Variants in RGL3 observed in about 807,000 individuals in gnomAD.
RGL3 encodes ral guanine nucleotide dissociation stimulator like 3.
RGL3 carries 85 observed loss-of-function variants against 90.6 expected under a neutral mutation model. The ratio of observed to expected loss-of-function variants is 0.94; its 90% CI spans 0.79 to 1.12. The LOEUF is 1.12. RGL3 is among the 50% of genes most tolerant of loss of function. The pLI is 0.00. For synonymous variants in RGL3, 408 were observed against 385.5 expected, an observed-to-expected ratio of 1.06 and a Z score of -0.68; for missense variants, 1,034 against 939.2, an observed-to-expected ratio of 1.10 and a Z score of -1.32.
At chr19:11,409,276 C>CG (rs1968834589) in intron 5 of RGL3, among the ~76,000 whole-genome samples, 1 of 151,964 alleles carries the variant, frequency 6.6e-6, no homozygotes, top group Non-Finnish European at 1.5e-5. Context: ...GTCAGGAGAT[C>CG]GAGACCATCC....
intron 7 of RGL3, 52 bp downstream of exon 7, chr19:11,406,367 C>A: frequency 6.7e-7 from 1 of 1,486,942 alleles, no homozygotes; most frequent in Non-Finnish European, 9.0e-7. Flanking sequence ...CTCATTTTTT[C>A]CCCTTGCCCC....
At position 11,413,904 on chromosome 19, in the gene RGL3, C is replaced by T. The variant is rs1472344106; in HGVS notation, c.637+2033G>A. Among the ~76,000 whole-genome samples, 28 of 148,082 alleles carry T rather than the reference C, an allele frequency of 1.9e-4. 1 individual carries two copies. The highest frequency in any genetic ancestry group is 1.3e-4 in the Non-Finnish European group (9 of 67,064). On this transcript the variant is annotated intron_variant, in intron 5 of 18. Transcript: ENST00000380456. ...GACTACAGGCGCTCGCCACCACGCC[C>T]GGCTAATATTTTTTTGTATTTTTAG...
chr19:11,416,114 C>A lies in RGL3; in HGVS notation c.460G>T (p.Asp154Tyr). The A allele has an allele frequency of 1.3e-6, 2 of 1,595,004 alleles. No individual in the cohort carries two copies. Among genetic ancestry groups the A allele is most frequent in the Non-Finnish European group, 1.7e-6 (2 of 1,171,542 alleles). ...VVSVLGSWLQ[D>Y]HPQDFRDHPA... ...TGGTCTCGGAAATCCTGAGGGTGGT[C>A]CTGCAGCCAGGAGCCCAGCACTGAC... Residue 154 changes from aspartate to tyrosine, a missense_variant, in exon 5 of 19, where the codon GAC becomes TAC. By Grantham distance (160) the Asp-to-Tyr change is radical. Coordinates refer to ENST00000380456, the MANE Select transcript of RGL3 (RefSeq NM_001035223.4).
intron 18 of RGL3, among the ~76,000 whole-genome samples, chr19:11,395,753 G>C (rs1968553372): frequency 6.6e-6 from 1 of 150,994 alleles, no homozygotes. Flanking sequence ...TCAGCCTCCT[G>C]AGTAGCTGGG....
At chr19:11,413,279 T>C (rs1968903034) in intron 5 of RGL3, among the ~76,000 whole-genome samples, 1 of 149,206 alleles carries the variant, frequency 6.7e-6, no homozygotes, top group East Asian at 2.0e-4. Flanking sequence ...CTCACGCCTG[T>C]AATCCCAGCA....
intron 5 of RGL3, among the ~76,000 whole-genome samples, chr19:11,414,448 T>TATATATATATCTTCATATATATAC (rs1968945239): frequency 1.4e-5 from 1 of 73,170 alleles, no homozygotes; most frequent in African/African-American, 8.6e-5. Context: ...TATATATACA[T>TATATATATATCTTCATATATATAC]ATATATATAT....
At chr19:11,400,326 T>G (rs1599431156) in intron 13 of RGL3, 29 bp from the exon 14 acceptor site, 3 of 1,524,972 alleles carry the variant, frequency 2.0e-6, no homozygotes, top group East Asian at 2.4e-5. Context: ...GATGAGGTGG[T>G]GGGGGCAGGA....
At chr19:11,396,231 G>A (rs1471943333) in intron 18 of RGL3, among the ~76,000 whole-genome samples, 11 of 128,720 alleles carry the variant, frequency 8.5e-5, no homozygotes, top group Middle Eastern at 4.8e-3. Flanking sequence ...GCAGTGGTGC[G>A]ATCTCGGCTC....
At chr19:11,418,892 C>G in intron 1 of RGL3, 108 bp from the exon 2 acceptor site, 1 of 877,654 alleles carries the variant, frequency 1.1e-6, no homozygotes, top group South Asian at 1.8e-5. Context: ...TCCCCACGCC[C>G]CTTCCCGGCC....
At position 11,399,881 on chromosome 19, in the gene RGL3, G is replaced by A; in HGVS notation, c.1720C>T (p.Pro574Ser). Residue 574 changes from proline to serine, a missense_variant, in exon 16 of 19, where the codon CCA becomes TCA. Physicochemically the swap from Pro to Ser is moderately conservative, Grantham distance 74. Coordinates refer to ENST00000380456, the MANE Select transcript of RGL3 (RefSeq NM_001035223.4). The part of the protein sequence containing the change: ...DAPAGSPPAS[P>S]GPQGPSTKLP... ...TTGGTGCTGGGGCCCTGGGGCCCTG[G>A]AGAGGCCGGGGGACTGCCAGCAGGA... 1 of 1,510,004 alleles carries A rather than the reference G, an allele frequency of 6.6e-7. No individual in the cohort carries two copies. Among genetic ancestry groups the A allele is most frequent in the East Asian group, 2.4e-5 (1 of 42,024 alleles). 93.5% of individuals were successfully genotyped at this position (1,510,004 alleles called of 1,614,324 possible). A position where few individuals can be genotyped will look rare whatever the true frequency, so the allele number is the denominator to read the frequency against.
chr19:11,397,077 G>A (rs366336), intron 18 of RGL3, among the ~76,000 whole-genome samples, 167 bp downstream of exon 18: 33,939 of 151,894 alleles, frequency 0.22, 7,185 homozygotes, highest in African/African-American at 0.56. Flanking sequence ...TGGGTTACAG[G>A]TATTTTATGT....
At chr19:11,403,620 A>G (rs1293869321) in intron 9 of RGL3, among the ~76,000 whole-genome samples, 2 of 148,220 alleles carry the variant, frequency 1.3e-5, no homozygotes, top group East Asian at 2.0e-4. Context: ...AGCTTGGGCA[A>G]CAAGACCAAA....
In RGL3 at chr19:11,402,676, C is replaced by T. The variant is rs1442581068; in HGVS notation, c.1216G>A (p.Asp406Asn). The T allele has an allele frequency of 5.0e-6, 8 of 1,613,794 alleles. No homozygotes were observed. The highest frequency in any genetic ancestry group is 1.7e-5 in the Admixed American group (1 of 59,924). Reference protein sequence around the residue: ...EEATEGSQEEDNTPGSLPSKP... With the variant: ...EEATEGSQEENNTPGSLPSKP... ...GAGGGCAGGCTGCCTGGGGTGTTGT[C>T]CTCTTCTTGGGATCCCTCAGTGGCC... The change falls in exon 10 of 19, where the codon GAC becomes AAC. Residue 406 changes from aspartate (D) to asparagine (N), a missense_variant. Transcript: ENST00000380456.
At chr19:11,408,535 G>A (rs1454238428) in intron 5 of RGL3, among the ~76,000 whole-genome samples, 4 of 149,782 alleles carry the variant, frequency 2.7e-5, no homozygotes, top group Admixed American at 1.3e-4. Context: ...GCAGTGAGCC[G>A]ACATCGTGTC....
Position 11,418,717 on chromosome 19 carries a change from T to C in RGL3, c.101A>G (p.Gln34Arg). The change falls in exon 2 of 19, where the codon CAG becomes CGG. Residue 34 changes from glutamine to arginine, a missense_variant. Gln to Arg is a conservative substitution (Grantham distance 43, BLOSUM62 1). Coordinates refer to ENST00000380456, the MANE Select transcript of RGL3 (RefSeq NM_001035223.4). ...GAVYSVSLRR[Q>R]RSQRRSPAEG... ...CGCCGGGCTCCTGCGCTGACTGCGC[T>C]GCCGCCGCAGGGAGACACTGTACAC... is the stretch of plus-strand genomic sequence containing the variant. 6.3e-7 allele frequency: 1 copy of C among 1,575,212 alleles called. No homozygotes were observed. The highest frequency in any genetic ancestry group is 8.6e-7 in the Non-Finnish European group (1 of 1,165,620).
Position 11,406,746 on chromosome 19 carries a change from G to A in RGL3, c.756C>T (p.Ala252=), listed in dbSNP as rs1343354273. The change falls in exon 6 of 19, where the codon GCC becomes GCT. Residue 252 remains alanine, a synonymous_variant. Coordinates refer to ENST00000380456, the MANE Select transcript of RGL3 (RefSeq NM_001035223.4). ...CCAAGTCTATGAGGGTCAGCTGCTC[G>A]GCCACCTCGTCCACGCTGAAGTCCA... ...QLLDFSVDEV[A]EQLTLIDLEL... is the part of the protein sequence containing the mutation. 3 of 1,613,990 alleles carry A rather than the reference G, an allele frequency of 1.9e-6. No individual in the cohort carries two copies. Among genetic ancestry groups the A allele is most frequent in the South Asian group, 1.1e-5 (1 of 91,070 alleles).
At position 11,397,331 on chromosome 19, in the gene RGL3, C is replaced by G. The variant is rs760059667; in HGVS notation, c.1927G>C (p.Val643Leu). The change falls in exon 18 of 19, where the codon GTG becomes CTG. Residue 643 changes from valine to leucine, a missense_variant. Coordinates refer to ENST00000380456, the MANE Select transcript of RGL3 (RefSeq NM_001035223.4). ...TGCTTCTGCAAGGCTCGCCGGACCA[C>G]GCTGGGGGCTTTGTCCTGACTGGTC... ...LLTSQDKAPS[V>L]VRRALQKHNV... 3.7e-6 allele frequency: 6 copies of G among 1,608,226 alleles called. No homozygotes were observed. Among genetic ancestry groups the G allele is most frequent in the Non-Finnish European group, 5.1e-6 (6 of 1,177,124 alleles).
intron 7 of RGL3, 59 bp downstream of exon 7, chr19:11,406,360 A>AT (rs1968777984): frequency 2.0e-6 from 3 of 1,476,904 alleles, no homozygotes; most frequent in East Asian, 2.5e-5. Context: ...CGGAGCCCTC[A>AT]TTTTTTCCCC....
In RGL3 at chr19:11,416,984, C is replaced by G. The variant is rs1969013082; in HGVS notation, c.223G>C (p.Glu75Gln). The change falls in exon 3 of 19, where the codon GAG becomes CAG. Residue 75 changes from glutamate (E) to glutamine (Q), a missense_variant. By Grantham distance (29) the Glu-to-Gln change is conservative (BLOSUM62 2). Transcript: ENST00000380456. ...KVRVLRAARLERLVGELVFGD... is the reference protein window; with the variant it reads ...KVRVLRAARLQRLVGELVFGD... ...AACACCAACTCTCCCACCAGCCGCT[C>G]CAGGCGCGCTGCCCTCAGCACCCTC... 6.2e-7 allele frequency: 1 copy of G among 1,613,996 alleles called. No individual in the cohort carries two copies. The highest frequency in any genetic ancestry group is 1.3e-5 in the African/African-American group (1 of 75,004).
Sources: gnomAD v4.1 joint callset for allele counts (sites outside exome capture counted in the v4.1 genomes callset) on GRCh38, gnomAD v4.1.1 for gene constraint, MANE v1.5 for transcripts, NCBI Gene and HGNC (gene_info 2026-07-23, HGNC 2026-07-21) for gene names.